The following REDIC1 variants were observed in gnomAD, a reference collection of about 807,000 sequenced individuals.
The protein encoded by REDIC1 is regulator of DNA class I crossover intermediates 1, also known as HEI10 Interacting Protein 1.
the REDIC1 span, among the ~76,000 whole-genome samples, chr12:39,719,725 A>T: frequency 6.6e-6 from 1 of 152,206 alleles, no homozygotes; most frequent in Admixed American, 6.6e-5. Flanking sequence ...TTGCATCACT[A>T]AAGAAGCATG....
the REDIC1 span, among the ~76,000 whole-genome samples, chr12:39,715,999 C>T: frequency 6.6e-6 from 1 of 151,968 alleles, no homozygotes; most frequent in Non-Finnish European, 1.5e-5. Context: ...TAAGTTCTCT[C>T]TGCCTCTCAG....
the REDIC1 span, among the ~76,000 whole-genome samples, chr12:39,885,824 C>T: frequency 1.3e-5 from 2 of 152,152 alleles, no homozygotes; most frequent in South Asian, 4.1e-4. Flanking sequence ...AGTTGTCTTT[C>T]CTCTTTGTCC....
the REDIC1 span, among the ~76,000 whole-genome samples, chr12:39,715,298 G>A: frequency 0.015 from 2,345 of 151,980 alleles, 55 homozygotes; most frequent in African/African-American, 0.051. Flanking sequence ...AATTAGCCCA[G>A]CACCATTTGT....
At chr12:39,646,212 A>G in the REDIC1 span, 2 of 329,124 alleles carry the variant, frequency 6.1e-6, no homozygotes, top group Non-Finnish European at 5.4e-6. Context: ...TAGAATGTAA[A>G]TGTTTTAGTA....
At chr12:39,715,854 C>G in the REDIC1 span, among the ~76,000 whole-genome samples, 2 of 151,858 alleles carry the variant, frequency 1.3e-5, no homozygotes, top group Non-Finnish European at 2.9e-5. Context: ...GTGAAATGCC[C>G]TTAAATTATG....
At chr12:39,733,422 A>G in the REDIC1 span, among the ~76,000 whole-genome samples, 6 of 151,662 alleles carry the variant, frequency 4.0e-5, no homozygotes, top group African/African-American at 1.2e-4. Flanking sequence ...AATTTGTTGG[A>G]TCTTCTTTGA....
chr12:39,713,661 G>A, the REDIC1 span, among the ~76,000 whole-genome samples: 4 of 130,134 alleles, frequency 3.1e-5, no homozygotes, highest in East Asian at 2.3e-4. Context: ...GTATACATGC[G>A]TATATACATA....
At chr12:39,833,837 A>G in the REDIC1 span, among the ~76,000 whole-genome samples, 30 of 149,142 alleles carry the variant, frequency 2.0e-4, no homozygotes, top group African/African-American at 7.0e-4. Context: ...ATAATATGGC[A>G]CCTTGGAGCT....
At chr12:39,683,612 G>T in the REDIC1 span, 1 of 680,336 alleles carries the variant, frequency 1.5e-6, no homozygotes, top group Non-Finnish European at 2.5e-6. Flanking sequence ...TGGTCTCAAA[G>T]GAGCCTTACC....
At chr12:39,715,053 A>T in the REDIC1 span, among the ~76,000 whole-genome samples, 1 of 151,790 alleles carries the variant, frequency 6.6e-6, no homozygotes. Context: ...TGCCGTGCAA[A>T]AGCTCTTTAG....
chr12:39,747,668 A>G, the REDIC1 span, among the ~76,000 whole-genome samples: 1 of 152,248 alleles, frequency 6.6e-6, no homozygotes, highest in Non-Finnish European at 1.5e-5. Context: ...TGTTAAGGGC[A>G]GCCAGAGAGA....
At chr12:39,876,702 AC>A in the REDIC1 span, among the ~76,000 whole-genome samples, 2 of 152,208 alleles carry the variant, frequency 1.3e-5, no homozygotes, top group Non-Finnish European at 2.9e-5. Flanking sequence ...GAAAATTTTA[AC>A]TGTTTGACAA....
At chr12:39,717,012 A>G in the REDIC1 span, among the ~76,000 whole-genome samples, 1 of 151,976 alleles carries the variant, frequency 6.6e-6, no homozygotes, top group Non-Finnish European at 1.5e-5. Context: ...TGTAGAAAAG[A>G]AAAATGTAAA....
chr12:39,667,986 A>G, the REDIC1 span, among the ~76,000 whole-genome samples: 68 of 152,248 alleles, frequency 4.5e-4, 1 homozygote, highest in South Asian at 0.013. Context: ...GGTCTCCTGA[A>G]TACAGCACAC....
the REDIC1 span, among the ~76,000 whole-genome samples, chr12:39,751,189 G>A: frequency 6.6e-6 from 1 of 152,040 alleles, no homozygotes; most frequent in African/African-American, 2.4e-5. Flanking sequence ...TATCCAGAAT[G>A]TACAATGAAC....
the REDIC1 span, among the ~76,000 whole-genome samples, chr12:39,704,233 A>G: frequency 6.6e-6 from 1 of 152,154 alleles, no homozygotes; most frequent in Admixed American, 6.6e-5. Context: ...ACAAGAAAAA[A>G]AAACAACCCC....
chr12:39,672,716 G>A, the REDIC1 span, among the ~76,000 whole-genome samples: 10 of 152,130 alleles, frequency 6.6e-5, no homozygotes, highest in Admixed American at 5.2e-4. Context: ...GTACTGGGGG[G>A]CTCTGCTGAT....
the REDIC1 span, among the ~76,000 whole-genome samples, chr12:39,840,585 T>C: frequency 6.6e-6 from 1 of 151,994 alleles, no homozygotes; most frequent in Admixed American, 6.6e-5. Context: ...CATATTGTTT[T>C]CTCTGGATGT....
chr12:39,799,903 G>C, the REDIC1 span, among the ~76,000 whole-genome samples: 5 of 152,172 alleles, frequency 3.3e-5, no homozygotes, highest in African/African-American at 1.2e-4. Flanking sequence ...ATTTACAACA[G>C]AATAATGTGT....
Sources: allele counts gnomAD v4.1 joint callset (sites outside exome capture counted in the v4.1 genomes callset), GRCh38; gene constraint gnomAD v4.1.1; transcripts MANE v1.5; gene names NCBI Gene and HGNC (gene_info 2026-07-23, HGNC 2026-07-21).